TMCO4: variants seen among roughly 807,000 people sequenced by gnomAD.
The protein encoded by TMCO4 is transmembrane and coiled-coil domain-containing protein 4.
A neutral mutation model predicts 64.7 loss-of-function variants in TMCO4; 58 were observed. That is an observed-to-expected ratio of 0.90 (90% CI 0.73 to 1.12). The LOEUF is 1.12. Ranked by LOEUF, TMCO4 falls within the 50% of genes most tolerant of loss-of-function variation. TMCO4 has a pLI of 0.00. For missense variants in TMCO4, 780 were observed against 825.9 expected (o/e 0.94, Z 0.68); for synonymous variants, 325 against 346.1 (o/e 0.94, Z 0.68).
rs2095476034 is a variant in TMCO4 at position 19,740,823 on chromosome 1, G to A, written c.996C>T (p.Leu332=). 3.7e-6 allele frequency: 6 copies of A among 1,614,074 alleles called. No homozygotes were observed. Among genetic ancestry groups the A allele is most frequent in the East Asian group, 2.2e-5 (1 of 44,884 alleles). Residue 332 remains leucine (L), a synonymous_variant, in exon 11 of 16, where the codon CTC becomes CTT. Transcript: ENST00000294543. ...GNALETILSG[L]ANMVAQEALK... ...GGGCCTCCTGGGCCACCATGTTGGC[G>A]AGACCACTGAGGATGGTCTCCAGGG...
In TMCO4 at chr1:19,683,395, G is replaced by A. The variant is rs748078179; in HGVS notation, c.1550C>T (p.Ala517Val). The A allele has an allele frequency of 6.2e-7, 1 of 1,613,654 alleles. No individual in the cohort carries two copies. Among genetic ancestry groups the A allele is most frequent in the Non-Finnish European group, 8.5e-7 (1 of 1,180,030 alleles). The change falls in exon 16 of 16, where the codon GCC (alanine) becomes GTC (valine). Residue 517 changes from alanine (A) to valine (V), a missense_variant. By Grantham distance (64) the Ala-to-Val change is moderately conservative. Coordinates refer to ENST00000294543, the MANE Select transcript of TMCO4 (RefSeq NM_181719.7). ...GCCTGGCTTGGTGCGGATGCCCACGGCCTTCAGGATGGCATCCATCTGCTT... is the reference window on the plus strand; with the variant it reads ...GCCTGGCTTGGTGCGGATGCCCACGACCTTCAGGATGGCATCCATCTGCTT... ...YAKQMDAILK[A>V]VGIRTKPGWD...
chr1:19,683,426 A>G lies in TMCO4; in HGVS notation c.1519T>C (p.Tyr507His). The change falls in exon 16 of 16, where the codon TAT becomes CAT. Residue 507 changes from tyrosine to histidine, a missense_variant. Physicochemically the swap from Tyr to His is moderately conservative, Grantham distance 83 (BLOSUM62 2). Coordinates refer to ENST00000294543, the MANE Select transcript of TMCO4 (RefSeq NM_181719.7). ...LTSVVSGHLD[Y>H]AKQMDAILKA... The stretch of plus-strand genomic sequence containing the variant: ...AGGATGGCATCCATCTGCTTGGCAT[A>G]GTCCAGGTGGCCGCTGACCTGCAGG... The G allele has an allele frequency of 6.2e-7, 1 of 1,612,966 alleles. No homozygotes were observed. The highest frequency in any genetic ancestry group is 8.5e-7 in the Non-Finnish European group (1 of 1,180,002).
In TMCO4 at chr1:19,748,838, A is replaced by G. The variant is rs1191641320; in HGVS notation, c.516-1578T>C. ...GACCCTGTCTCGAATGAATGAGTGA[A>G]TGAATGAATGAATGAATGAAATAAA... On this transcript the variant is annotated intron_variant, in intron 7 of 15. Coordinates refer to ENST00000294543, the MANE Select transcript of TMCO4 (RefSeq NM_181719.7). Among the ~76,000 whole-genome samples the G allele has an allele frequency of 2.6e-5, 4 of 152,012 alleles. No individual in the cohort carries two copies. In the South Asian group the frequency reaches 8.3e-4, roughly 32 times the overall value.
chr1:19,718,208 A>T (rs1319204209), intron 13 of TMCO4, among the ~76,000 whole-genome samples: 3 of 151,952 alleles, frequency 2.0e-5, no homozygotes, highest in Non-Finnish European at 2.9e-5. Context: ...GGTGGTGGGC[A>T]CCTGTAATCC....
At chr1:19,683,480 T>G (rs2095120677) in intron 15 of TMCO4, 36 bp from the exon 16 acceptor site, 1 of 1,606,432 alleles carries the variant, frequency 6.2e-7, no homozygotes, top group African/African-American at 1.3e-5. Context: ...ACCGTGGGTG[T>G]GCAGAGCCCA....
At chr1:19,762,415 C>A (rs1243891686) in intron 6 of TMCO4, among the ~76,000 whole-genome samples, 4 of 152,158 alleles carry the variant, frequency 2.6e-5, no homozygotes, top group African/African-American at 4.8e-5. Flanking sequence ...CCCAGAACTG[C>A]GGGATTAGCC....
chr1:19,747,319 C>A (rs1053712000), intron 7 of TMCO4, 59 bp from the exon 8 acceptor site: 1 of 1,429,056 alleles, frequency 7.0e-7, no homozygotes, highest in Non-Finnish European at 9.8e-7. Context: ...TTGAGACATC[C>A]CCACCACACC....
Position 19,694,535 on chromosome 1 carries a change from T to TC in TMCO4, c.1398dup (p.Ser467GlufsTer126), listed in dbSNP as rs776648929. 6.2e-7 allele frequency: 1 copy of TC among 1,613,924 alleles called. No individual in the cohort carries two copies. Among genetic ancestry groups the TC allele is most frequent in the South Asian group, 1.1e-5 (1 of 91,076 alleles). On this transcript the variant is annotated frameshift_variant, in exon 15 of 16. Transcript: ENST00000294543. LOFTEE classifies it high-confidence loss of function. ...ACCGAGGATGTGCGGTACACGAAAC[T>TC]CAGCAGCCAGTCTCCCCTGTGGGAG...
rs1256980865 is a variant in TMCO4, at chr1:19,786,734, A to AT, written c.-9+291dup. The stretch of plus-strand genomic sequence containing the variant: ...TGCAACTTCCTGTGAGCCTATAATT[A>AT]TTTTAAAATAAAAATTTTTTTAAAA... On this transcript the variant is annotated intron_variant, in intron 3 of 15. Transcript: ENST00000294543. 3.3e-5 allele frequency among the ~76,000 whole-genome samples: 5 copies of AT among 152,346 alleles called. No individual in the cohort carries two copies. The East Asian group carries it at 9.6e-4, about 29-fold the overall frequency.
In TMCO4 at chr1:19,771,290, A is replaced by G; in HGVS notation, c.354+18T>C. On this transcript the variant is annotated intron_variant, in intron 5 of 15. Transcript: ENST00000294543. Reference sequence around the variant, plus strand: ...TGTTCTACTGTCCCCAGCAGCCACCACCAGGTGTTGGGTGTACCTGAGTGA... The same window carrying G: ...TGTTCTACTGTCCCCAGCAGCCACCGCCAGGTGTTGGGTGTACCTGAGTGA... The G allele has an allele frequency of 6.2e-7, 1 of 1,609,090 alleles. No homozygotes were observed. Among genetic ancestry groups the G allele is most frequent in the Non-Finnish European group, 8.5e-7 (1 of 1,176,216 alleles).
intron 4 of TMCO4, among the ~76,000 whole-genome samples, chr1:19,775,989 C>T (rs1292764349): frequency 6.6e-6 from 1 of 152,168 alleles, no homozygotes; most frequent in Non-Finnish European, 1.5e-5. Flanking sequence ...CTCACTGCAA[C>T]CCCCACCTCC....
chr1:19,709,891 T>C (rs1017798588), intron 13 of TMCO4, among the ~76,000 whole-genome samples: 5 of 151,244 alleles, frequency 3.3e-5, no homozygotes, highest in Non-Finnish European at 5.9e-5. Flanking sequence ...TGGGTTCACG[T>C]GATTCTCCTG....
intron 2 of TMCO4, among the ~76,000 whole-genome samples, chr1:19,796,502 C>G (rs74058662): frequency 0.04 from 6,145 of 152,152 alleles, 257 homozygotes; most frequent in African/African-American, 0.11. Context: ...TTAATATTTT[C>G]GTTATTCATA....
chr1:19,746,923 CAAAAAAAAAAAA>C (rs199888917), intron 8 of TMCO4, among the ~76,000 whole-genome samples: 1 of 49,854 alleles, frequency 2.0e-5, no homozygotes, highest in African/African-American at 6.5e-5. Context: ...GATACTGTCT[CAAAAAAAAAAAA>C]AAAAAAAAAA....
intron 7 of TMCO4, among the ~76,000 whole-genome samples, chr1:19,755,117 C>T (rs2042186913): frequency 6.6e-6 from 1 of 152,036 alleles, no homozygotes; most frequent in African/African-American, 2.4e-5. Context: ...ATCATTCATT[C>T]CATCTTTTCT....
chr1:19,733,206 G>A (rs974188527), intron 13 of TMCO4, among the ~76,000 whole-genome samples: 1 of 152,176 alleles, frequency 6.6e-6, no homozygotes, highest in Non-Finnish European at 1.5e-5. Flanking sequence ...GGCAGAAGTT[G>A]CAGTGAGCTG....
rs1297771105 is a variant in TMCO4 at position 19,732,154 on chromosome 1, G to C, written c.1264+5218C>G. 1.3e-5 allele frequency among the ~76,000 whole-genome samples: 2 copies of C among 152,052 alleles called. No homozygotes were observed. The highest frequency in any genetic ancestry group is 6.6e-5 in the Admixed American group (1 of 15,262). ...TGCGCACACCTGCTGCTCACATTTG[G>C]AATAAGCTATGGCTAACTAAGGGAC... On this transcript the variant is annotated intron_variant, in intron 13 of 15. Coordinates refer to ENST00000294543, the MANE Select transcript of TMCO4 (RefSeq NM_181719.7). This position sits in a 1 kb window ranked among gnomAD's most constrained non-coding sequence, Gnocchi z 4.8.
intron 4 of TMCO4, among the ~76,000 whole-genome samples, chr1:19,772,081 G>T (rs543572332): frequency 1.2e-4 from 19 of 152,326 alleles, no homozygotes; most frequent in African/African-American, 4.1e-4. Flanking sequence ...TGTGCCAGGG[G>T]CGACGAATAA....
chr1:19,780,004 C>T (rs979228456), intron 4 of TMCO4, among the ~76,000 whole-genome samples: 4 of 152,244 alleles, frequency 2.6e-5, no homozygotes, highest in Admixed American at 2.6e-4. Flanking sequence ...GCAGCAGTCC[C>T]CAACCTTTTT....
Sources: allele counts gnomAD v4.1 joint callset (sites outside exome capture counted in the v4.1 genomes callset), GRCh38; gene constraint gnomAD v4.1.1; non-coding constraint Gnocchi (gnomAD v3.1); transcripts MANE v1.5; gene names NCBI Gene and HGNC (gene_info 2026-07-23, HGNC 2026-07-21).